GLO1: variants seen among roughly 807,000 people sequenced by gnomAD.
GLO1 encodes lactoylglutathione lyase.
Under a neutral mutation model 26.0 loss-of-function variants are expected in GLO1, and 28 were observed. The observed-to-expected ratio is 1.08, with a 90% CI of 0.80 to 1.48. The LOEUF (loss-of-function observed/expected upper bound fraction) is 1.48, where lower values mean the gene tolerates loss of function less well. Among genes scored for constraint, GLO1 ranks in the 40% most tolerant of loss-of-function variants. The pLI, the probability that GLO1 is intolerant of heterozygous loss-of-function variation, is 0.00. For missense variants in GLO1, 225 were observed against 224.8 expected, an observed-to-expected ratio of 1.00 and a Z score of -0.01; for synonymous variants, 78 against 77.6, an observed-to-expected ratio of 1.00 and a Z score of -0.03.
Position 38,684,497 on chromosome 6 carries a change from T to C in GLO1, c.185A>G (p.Asp62Gly). Residue 62 changes from aspartate (D) to glycine (G), a missense_variant, in exon 3 of 6, where the codon GAT becomes GGT. Coordinates refer to ENST00000373365, the MANE Select transcript of GLO1 (RefSeq NM_006708.3). ...VLGMTLIQKC[D>G]FPIMKFSLYF... is the part of the protein sequence containing the mutation. ...GAGTGAAAACTTCATAATGGGAAAA[T>C]CACATTTTTGGATTAGCCTGCAATG... 6.5e-7 allele frequency: 1 copy of C among 1,547,972 alleles called. No homozygotes were observed. The highest frequency in any genetic ancestry group is 8.7e-7 in the Non-Finnish European group (1 of 1,149,100).
chr6:38,685,034 G>T (rs1761442020), intron 2 of GLO1, among the ~76,000 whole-genome samples: 1 of 152,174 alleles, frequency 6.6e-6, no homozygotes, highest in Admixed American at 6.5e-5. Context: ...CAACAGTAAG[G>T]TGGCTAACAG....
At chr6:38,702,232 G>C (rs1761714560) in intron 1 of GLO1, among the ~76,000 whole-genome samples, 1 of 152,138 alleles carries the variant, frequency 6.6e-6, no homozygotes, top group Non-Finnish European at 1.5e-5. Context: ...CGCCAACTGT[G>C]TCTGATCTTA....
chr6:38,688,741 C>T (rs1761491494), intron 1 of GLO1, among the ~76,000 whole-genome samples: 1 of 152,206 alleles, frequency 6.6e-6, no homozygotes, highest in Non-Finnish European at 1.5e-5. Flanking sequence ...GAGGGAGGTG[C>T]AAGCAAGGAC....
chr6:38,678,737 C>T (rs1198499127), intron 5 of GLO1, among the ~76,000 whole-genome samples: 4 of 152,238 alleles, frequency 2.6e-5, no homozygotes, highest in Admixed American at 6.5e-5. Context: ...CCAGCCCTCT[C>T]TCCACGCCCA....
chr6:38,689,687 C>T (rs34637217), intron 1 of GLO1, among the ~76,000 whole-genome samples: 11,607 of 152,208 alleles, frequency 0.076, 622 homozygotes, highest in Middle Eastern at 0.18. Context: ...TGGCTCACGC[C>T]TGTAATCCCA....
At chr6:38,692,506 T>C (rs1486097500) in intron 1 of GLO1, among the ~76,000 whole-genome samples, 3 of 152,252 alleles carry the variant, frequency 2.0e-5, no homozygotes, top group Admixed American at 2.0e-4. Context: ...GATTTCTTCC[T>C]TTCCAACCTA....
chr6:38,696,611 A>C (rs1024181199), intron 1 of GLO1, among the ~76,000 whole-genome samples: 9 of 151,994 alleles, frequency 5.9e-5, no homozygotes, highest in Admixed American at 2.0e-4. Flanking sequence ...TGTCCTCATG[A>C]CCTACCTAAT....
At chr6:38,692,926 T>G (rs1351452122) in intron 1 of GLO1, among the ~76,000 whole-genome samples, 1 of 151,586 alleles carries the variant, frequency 6.6e-6, no homozygotes, top group Non-Finnish European at 1.5e-5. Flanking sequence ...TGTTGAATTC[T>G]GTTTACTAAC....
At position 38,686,975 on chromosome 6, in the gene GLO1, C is replaced by A; in HGVS notation, c.85-1G>T. The A allele has an allele frequency of 6.3e-7, 1 of 1,595,186 alleles. No homozygotes were observed. The highest frequency in any genetic ancestry group is 1.7e-4 in the Middle Eastern group (1 of 5,830). On this transcript the variant is annotated splice_acceptor_variant, in intron 1 of 5. Coordinates refer to ENST00000373365, the MANE Select transcript of GLO1 (RefSeq NM_006708.3). LOFTEE classifies it high-confidence loss of function. Reference sequence around the variant, plus strand: ...GCATGGTCTGCTGCAATAGAAAATCCTATGGAAAAATATTTATATTAAACA... The same window carrying A: ...GCATGGTCTGCTGCAATAGAAAATCATATGGAAAAATATTTATATTAAACA...
At chr6:38,686,216 GAC>G (rs1365014446) in intron 2 of GLO1, among the ~76,000 whole-genome samples, 1 of 152,022 alleles carries the variant, frequency 6.6e-6, no homozygotes, top group East Asian at 1.9e-4. Flanking sequence ...TCTAAATATA[GAC>G]ATATATTACT....
Position 38,676,060 on chromosome 6 carries a change from G to A in GLO1, c.*1235C>T. On this transcript the variant is annotated 3_prime_UTR_variant, in exon 6 of 6. Coordinates refer to ENST00000373365, the MANE Select transcript of GLO1 (RefSeq NM_006708.3). The stretch of plus-strand genomic sequence containing the variant: ...AAAGTGCTTCTAGCAGTACAAGCAC[G>A]GTTGGCATGGCCTTTCCAAAGGTCT... 6.6e-6 allele frequency: 1 copy of A among 152,240 alleles called. No individual in the cohort carries two copies. Among genetic ancestry groups the A allele is most frequent in the South Asian group, 2.1e-4 (1 of 4,832 alleles). 9.4% of individuals were successfully genotyped at this position (152,240 alleles called of 1,614,324 possible).
At chr6:38,682,471 T>C (rs893273680) in intron 4 of GLO1, among the ~76,000 whole-genome samples, 2 of 152,138 alleles carry the variant, frequency 1.3e-5, no homozygotes, top group Admixed American at 6.5e-5. Context: ...GTCATCTTGA[T>C]TGAGAGACTG....
At chr6:38,701,892 G>A (rs1423679927) in intron 1 of GLO1, among the ~76,000 whole-genome samples, 1 of 150,952 alleles carries the variant, frequency 6.6e-6, no homozygotes, top group Non-Finnish European at 1.5e-5. Context: ...AGACACTGAT[G>A]ACTTCACTGG....
In GLO1 at chr6:38,699,398, A is replaced by T. The variant is rs1582783168; in HGVS notation, c.84+3573T>A. ...ATTGATTGTAAAACTGTGTTTGAAC[A>T]ATATGAAATCGGCGCACCTTGAAAA... On this transcript the variant is annotated intron_variant, in intron 1 of 5. Coordinates refer to ENST00000373365, the MANE Select transcript of GLO1 (RefSeq NM_006708.3). Among the ~76,000 whole-genome samples the T allele has an allele frequency of 3.3e-5, 5 of 152,332 alleles. 2 individuals are homozygous for T. The highest frequency in any genetic ancestry group is 3.3e-4 in the Admixed American group (5 of 15,302).
chr6:38,692,471 T>C lies in GLO1; in HGVS notation c.85-5497A>G, dbSNP rs544536859. On this transcript the variant is annotated intron_variant, in intron 1 of 5. Transcript: ENST00000373365. Reference sequence around the variant, plus strand: ...TTATTATTCCCTATGTAGACAATCATGTCATCTTCAAATAAGGACAGTTTG... The same window carrying C: ...TTATTATTCCCTATGTAGACAATCACGTCATCTTCAAATAAGGACAGTTTG... Among the ~76,000 whole-genome samples the C allele has an allele frequency of 3.9e-5, 6 of 152,304 alleles. No individual in the cohort carries two copies. In the South Asian group the frequency reaches 1.2e-3, roughly 32 times the overall value.
At chr6:38,689,838 T>C (rs1240540173) in intron 1 of GLO1, among the ~76,000 whole-genome samples, 1 of 151,774 alleles carries the variant, frequency 6.6e-6, no homozygotes, top group Non-Finnish European at 1.5e-5. Flanking sequence ...ATTCTTTTCT[T>C]TTTTTTTGAG....
intron 1 of GLO1, among the ~76,000 whole-genome samples, chr6:38,693,685 C>CTCTCTCTCTCTCTCTCTA (rs869232489): frequency 4.9e-4 from 42 of 86,428 alleles, no homozygotes; most frequent in East Asian, 3.2e-3. Context: ...CTCTCTCTCT[C>CTCTCTCTCTCTCTCTCTA]TATATATATA....
At chr6:38,692,365 G>A (rs776597129) in intron 1 of GLO1, among the ~76,000 whole-genome samples, 2 of 152,072 alleles carry the variant, frequency 1.3e-5, no homozygotes, top group East Asian at 1.9e-4. Context: ...ATAGAAACGC[G>A]ATTGATTTCT....
intron 1 of GLO1, among the ~76,000 whole-genome samples, chr6:38,697,362 G>A (rs998728455): frequency 5.3e-5 from 8 of 152,170 alleles, no homozygotes; most frequent in African/African-American, 1.9e-4. Flanking sequence ...CTCTTCAGTG[G>A]GAGTCCTTAC....
Sources: gnomAD v4.1 joint callset for allele counts (sites outside exome capture counted in the v4.1 genomes callset) on GRCh38, gnomAD v4.1.1 for gene constraint, MANE v1.5 for transcripts, NCBI Gene and HGNC (gene_info 2026-07-23, HGNC 2026-07-21) for gene names.